Variants in RREB1 observed in about 807,000 individuals in gnomAD.
RREB1 encodes ras-responsive element-binding protein 1.
RREB1 carries 27 observed loss-of-function variants against 117.8 expected under a neutral mutation model. The ratio of observed to expected loss-of-function variants is 0.23; its 90% CI spans 0.17 to 0.32. The LOEUF is 0.32. RREB1 is among the 10% of genes least tolerant of loss of function. The probability of loss-of-function intolerance (pLI) is 1.00; values close to 1 mark genes in which losing one functional copy is unlikely to be tolerated. For synonymous variants in RREB1, 1,298 were observed against 1,026.7 expected, an observed-to-expected ratio of 1.26 and a Z score of -5.05; for missense variants, 2,577 against 2,378.2, an observed-to-expected ratio of 1.08 and a Z score of -1.74.
chr6:7,108,482 C>G (rs1760946100), intron 1 of RREB1: 1 of 152,326 alleles, frequency 6.6e-6, no homozygotes, highest in East Asian at 1.9e-4. Context: ...CCGACCCGCG[C>G]CGCCGAGTTT....
At chr6:7,227,426 A>G (rs1166854151) in intron 9 of RREB1, among the ~76,000 whole-genome samples, 2 of 151,932 alleles carry the variant, frequency 1.3e-5, no homozygotes, top group African/African-American at 4.8e-5. Flanking sequence ...CTGTAATCCC[A>G]GCTACTCGGG....
chr6:7,189,012 C>T, intron 5 of RREB1, 147 bp from the exon 6 acceptor site: 2 of 724,318 alleles, frequency 2.8e-6, no homozygotes, highest in Non-Finnish European at 2.2e-6. Flanking sequence ...CATTTTACCC[C>T]TTCAGAAAGA....
intron 2 of RREB1, among the ~76,000 whole-genome samples, chr6:7,180,184 G>C (rs1287677891): frequency 6.6e-6 from 1 of 152,112 alleles, no homozygotes; most frequent in Non-Finnish European, 1.5e-5. Flanking sequence ...AATGTCTATT[G>C]ACAAGGAAGG....
At chr6:7,205,229 C>T (rs1338947832) in intron 6 of RREB1, among the ~76,000 whole-genome samples, 1 of 152,200 alleles carries the variant, frequency 6.6e-6, no homozygotes, top group Non-Finnish European at 1.5e-5. Flanking sequence ...CCAGCGCTAC[C>T]AGTCTGCAGG....
chr6:7,162,102 A>G (rs1490165390), intron 1 of RREB1, among the ~76,000 whole-genome samples: 1 of 151,954 alleles, frequency 6.6e-6, no homozygotes, highest in African/African-American at 2.4e-5. Flanking sequence ...CTCAAAACAC[A>G]CTGGTGCACT....
At chr6:7,165,492 A>G (rs143611891) in intron 1 of RREB1, among the ~76,000 whole-genome samples, 7 of 152,378 alleles carry the variant, frequency 4.6e-5, no homozygotes, top group Non-Finnish European at 1.0e-4. Context: ...CTTGGTTTCA[A>G]AAGTATGCCA....
intron 9 of RREB1, among the ~76,000 whole-genome samples, chr6:7,227,629 TA>T (rs747129245): frequency 6.6e-6 from 1 of 151,760 alleles, no homozygotes; most frequent in Non-Finnish European, 1.5e-5. Flanking sequence ...CGTGGGATTT[TA>T]AAAAAAAATC....
At chr6:7,212,101 T>C (rs758089927) in intron 8 of RREB1, 3 of 233,960 alleles carry the variant, frequency 1.3e-5, no homozygotes, top group Non-Finnish European at 2.6e-5. Flanking sequence ...ACAGCCCACG[T>C]GTTGGATACC....
At chr6:7,145,999 C>T (rs186999444) in intron 1 of RREB1, among the ~76,000 whole-genome samples, 2 of 151,808 alleles carry the variant, frequency 1.3e-5, no homozygotes, top group African/African-American at 4.9e-5. Flanking sequence ...TTCCCTACCC[C>T]CTACGCCACC....
At chr6:7,185,710 A>T (rs1195908825) in intron 4 of RREB1, among the ~76,000 whole-genome samples, 1 of 152,180 alleles carries the variant, frequency 6.6e-6, no homozygotes, top group Non-Finnish European at 1.5e-5. Flanking sequence ...TTGCTTTTAT[A>T]GTCTTCAGGG....
In RREB1 at chr6:7,185,758, A is replaced by G. The variant is rs550300625; in HGVS notation, c.172-1676A>G. Among the ~76,000 whole-genome samples, 43 of 152,226 alleles carry G rather than the reference A, an allele frequency of 2.8e-4. No individual in the cohort carries two copies. In the South Asian group the frequency reaches 8.7e-3, roughly 31 times the overall value. ...TCATCATCTCCCATAAGCAACCACA[A>G]GAGTGTTTCCTTTCCGTGCCTTGGG... On this transcript the variant is annotated intron_variant, in intron 4 of 12. Transcript: ENST00000379938.
chr6:7,114,468 TG>T (rs35413838), intron 1 of RREB1, among the ~76,000 whole-genome samples: 73,619 of 130,716 alleles, frequency 0.56, 20,680 homozygotes, highest in Middle Eastern at 0.72. Context: ...GTGTTTCTGG[TG>T]GGGGGGGGGG....
In RREB1 at chr6:7,230,628, G is replaced by T. The variant is rs1433820361; in HGVS notation, c.2529G>T (p.Gly843=). Residue 843 remains glycine (G), a synonymous_variant, in exon 10 of 13, where the codon GGG becomes GGT. Transcript: ENST00000379938. ...AGGCGCCGGCCGCTGAGGCGTCGGG[G>T]CGCGGGGAGGACAGTGGCTGCGCTG... ...PAEAPAAEAS[G]RGEDSGCAAL... is the part of the protein sequence containing the mutation. The T allele has an allele frequency of 6.2e-7, 1 of 1,604,188 alleles. No individual in the cohort carries two copies. Among genetic ancestry groups the T allele is most frequent in the Non-Finnish European group, 8.5e-7 (1 of 1,175,764 alleles).
At position 7,231,358 on chromosome 6, in the gene RREB1, G is replaced by T; in HGVS notation, c.3259G>T (p.Ala1087Ser). 1.9e-6 allele frequency: 3 copies of T among 1,613,058 alleles called. No individual in the cohort carries two copies. The highest frequency in any genetic ancestry group is 1.1e-5 in the South Asian group (1 of 91,032). ...CCCCACCCTGCTGAAAACCAAGGTGGCGGACCCAGGGCCCGCAAGCACTGG... is the reference window on the plus strand; with the variant it reads ...CCCCACCCTGCTGAAAACCAAGGTGTCGGACCCAGGGCCCGCAAGCACTGG... ...SAPTLLKTKV[A>S]DPGPASTGSN... The change falls in exon 10 of 13, where the codon GCG becomes TCG. Residue 1087 changes from alanine to serine, a missense_variant. Physicochemically the swap from Ala to Ser is moderately conservative, Grantham distance 99. Transcript: ENST00000379938.
At chr6:7,217,262 C>G (rs556926408) in intron 8 of RREB1, 1 of 152,302 alleles carries the variant, frequency 6.6e-6, no homozygotes, top group East Asian at 1.9e-4. Context: ...GGAGACAGAA[C>G]AGGAAAAATG....
At chr6:7,111,658 A>C (rs537941081) in intron 1 of RREB1, among the ~76,000 whole-genome samples, 33 of 152,222 alleles carry the variant, frequency 2.2e-4, no homozygotes, top group Admixed American at 5.9e-4. Context: ...AGGATGTTAA[A>C]GTTTGTTTTG....
At position 7,229,417 on chromosome 6, in the gene RREB1, C is replaced by G. The variant is rs1233397281; in HGVS notation, c.1318C>G (p.Gln440Glu). 6.2e-7 allele frequency: 1 copy of G among 1,614,156 alleles called. No homozygotes were observed. Among genetic ancestry groups the G allele is most frequent in the South Asian group, 1.1e-5 (1 of 91,088 alleles). ...GGACAGCATAAAGCACCTGTCCCTG[C>G]AGCCCTTCCAGAAGGGCTTCATCAT... The part of the protein sequence containing the change: ...TKDSIKHLSL[Q>E]PFQKGFIIQP... Residue 440 changes from glutamine to glutamate, a missense_variant, in exon 10 of 13, where the codon CAG becomes GAG. By Grantham distance (29) the Gln-to-Glu change is conservative. Coordinates refer to ENST00000379938, the MANE Select transcript of RREB1 (RefSeq NM_001003699.4). This position sits in a 1 kb window ranked among gnomAD's most constrained non-coding sequence, Gnocchi z 4.5.
chr6:7,201,388 C>G (rs947485440), intron 6 of RREB1, among the ~76,000 whole-genome samples: 1 of 152,116 alleles, frequency 6.6e-6, no homozygotes, highest in Non-Finnish European at 1.5e-5. Flanking sequence ...CCAACCTGTC[C>G]GACCTGTTCG....
At chr6:7,158,761 C>T (rs980224125) in intron 1 of RREB1, among the ~76,000 whole-genome samples, 1 of 152,198 alleles carries the variant, frequency 6.6e-6, no homozygotes, top group African/African-American at 2.4e-5. Flanking sequence ...AGCTGACATA[C>T]ATTTTTATCA....
Sources: gnomAD v4.1 joint callset for allele counts (sites outside exome capture counted in the v4.1 genomes callset) on GRCh38, gnomAD v4.1.1 for gene constraint, Gnocchi (gnomAD v3.1) non-coding constraint, MANE v1.5 for transcripts, NCBI Gene and HGNC (gene_info 2026-07-23, HGNC 2026-07-21) for gene names.